The following SLC35B4 variants were observed in gnomAD, a reference collection of about 807,000 sequenced individuals.
The protein encoded by SLC35B4 is solute carrier family 35 member B4, also known as nucleotide sugar transporter SLC35B4.
In SLC35B4, 28 loss-of-function variants were observed where a neutral mutation model predicts 39.5. The ratio of observed to expected loss-of-function variants is 0.71; its 90% CI spans 0.53 to 0.97. The LOEUF is 0.97. Among genes scored for constraint, SLC35B4 ranks in the 50% least tolerant of loss-of-function variants. SLC35B4 has a pLI of 0.00. For missense variants in SLC35B4, 334 were observed against 414.3 expected, an observed-to-expected ratio of 0.81 and a Z score of 1.68; for synonymous variants, 145 against 150.4, an observed-to-expected ratio of 0.96 and a Z score of 0.26.
rs576583278 is a variant in SLC35B4 at position 134,307,717 on chromosome 7, A to ACTGAGTCCTAAGTGATCTTCC, written c.192-964_192-944dup. On this transcript the variant is annotated intron_variant, in intron 2 of 9. Coordinates refer to ENST00000378509, the MANE Select transcript of SLC35B4 (RefSeq NM_032826.5). ...TTGCACATCTGAAGGATATGACAGC[A>ACTGAGTCCTAAGTGATCTTCC]CTGAGTCCTAAGTGATCTTCCCTGA... 1.7e-4 allele frequency among the ~76,000 whole-genome samples: 26 copies of ACTGAGTCCTAAGTGATCTTCC among 152,352 alleles called. No individual in the cohort carries two copies. In the South Asian group the frequency reaches 3.9e-3, roughly 23 times the overall value.
intron 1 of SLC35B4, among the ~76,000 whole-genome samples, chr7:134,315,636 C>T (rs1442020057): frequency 7.1e-6 from 1 of 141,076 alleles, no homozygotes; most frequent in Non-Finnish European, 1.5e-5. Context: ...CAAATACTCC[C>T]AAATCCAAAA....
At position 134,290,885 on chromosome 7, in the gene SLC35B4, ACGTAGTTCTC is replaced by A. The variant is rs1803317540; in HGVS notation, c.*3938_*3947del. On this transcript the variant is annotated 3_prime_UTR_variant, in exon 10 of 10. Transcript: ENST00000378509. ...CAACAGACATAGGATCTTGATTTCAACGTAGTTCTCCTCCATGTGCATTTCTCTGTCCGTT... is the reference window on the plus strand; with the variant it reads ...CAACAGACATAGGATCTTGATTTCAACTCCATGTGCATTTCTCTGTCCGTT... The A allele has an allele frequency of 6.6e-6, 1 of 152,192 alleles. No homozygotes were observed. The highest frequency in any genetic ancestry group is 6.5e-5 in the Admixed American group (1 of 15,280). The allele number at this position is 152,192 out of a possible 1,614,324, so 9.4% of individuals were successfully genotyped here.
rs1044000387 is a variant in SLC35B4, at chr7:134,291,851, A to T, written c.*2982T>A. ...AAGATAACATGTTTCTAATATGACA[A>T]TAGAGTTTTGGCCAAAGATATGTAG... is the stretch of plus-strand genomic sequence containing the variant. On this transcript the variant is annotated 3_prime_UTR_variant, in exon 10 of 10. Coordinates refer to ENST00000378509, the MANE Select transcript of SLC35B4 (RefSeq NM_032826.5). The T allele has an allele frequency of 6.6e-6, 1 of 152,236 alleles. No homozygotes were observed. The highest frequency in any genetic ancestry group is 1.5e-5 in the Non-Finnish European group (1 of 68,036). 9.4% of individuals were successfully genotyped at this position (152,236 alleles called of 1,614,324 possible). A position where few individuals can be genotyped will look rare whatever the true frequency, so the allele number is the denominator to read the frequency against.
At chr7:134,307,576 A>C (rs924032239) in intron 2 of SLC35B4, among the ~76,000 whole-genome samples, 1 of 152,246 alleles carries the variant, frequency 6.6e-6, no homozygotes, top group Non-Finnish European at 1.5e-5. Context: ...ATATTGAGTA[A>C]GAGAAAAAAA....
rs1293977219 is a variant in SLC35B4 at position 134,292,958 on chromosome 7, C to G, written c.*1875G>C. The G allele has an allele frequency of 6.6e-6, 1 of 152,172 alleles. No homozygotes were observed. The highest frequency in any genetic ancestry group is 1.5e-5 in the Non-Finnish European group (1 of 68,052). The allele number at this position is 152,172 out of a possible 1,614,324, so 9.4% of individuals were successfully genotyped here. ...TTTAAGTAACAAAAACCCGAGGCAG[C>G]TTAAATGACTTCTCCAAGCGACCTG... On this transcript the variant is annotated 3_prime_UTR_variant, in exon 10 of 10. Coordinates refer to ENST00000378509, the MANE Select transcript of SLC35B4 (RefSeq NM_032826.5).
At position 134,316,665 on chromosome 7, in the gene SLC35B4, G is replaced by T. The variant is rs1455894755; in HGVS notation, c.77+10C>A. 3 of 1,549,714 alleles carry T rather than the reference G, an allele frequency of 1.9e-6. No individual in the cohort carries two copies. The highest frequency in any genetic ancestry group is 2.6e-6 in the Non-Finnish European group (3 of 1,146,600). ...CGGGAGACCGGGTGCGGCCCGAGCG[G>T]GTCACTCACCGGGCCAGGAGCTCTA... On this transcript the variant is annotated intron_variant, in intron 1 of 9. Transcript: ENST00000378509.
intron 9 of SLC35B4, 29 bp downstream of exon 9, chr7:134,296,362 T>G (rs1320630143): frequency 4.4e-6 from 7 of 1,589,036 alleles, no homozygotes; most frequent in Non-Finnish European, 3.5e-6. Context: ...GATGATGACA[T>G]AAGGGTGACG....
chr7:134,319,374 T>G (rs753829547), upstream of SLC35B4, among the ~76,000 whole-genome samples: 1 of 152,220 alleles, frequency 6.6e-6, no homozygotes, highest in Non-Finnish European at 1.5e-5. Flanking sequence ...AACCCAATAT[T>G]TCTTGACATT....
chr7:134,320,026 T>C (rs1804068131), upstream of SLC35B4, among the ~76,000 whole-genome samples: 1 of 152,130 alleles, frequency 6.6e-6, no homozygotes. Context: ...AAACCCAAAA[T>C]CTTCATGTCC....
At chr7:134,305,442 TC>T (rs1477294273) in intron 3 of SLC35B4, among the ~76,000 whole-genome samples, 1 of 152,136 alleles carries the variant, frequency 6.6e-6, no homozygotes, top group African/African-American at 2.4e-5. Flanking sequence ...ATGTTTTGCA[TC>T]CCGTGAATAC....
intron 4 of SLC35B4, among the ~76,000 whole-genome samples, chr7:134,304,554 T>C (rs1020191484): frequency 3.9e-5 from 6 of 152,178 alleles, no homozygotes; most frequent in African/African-American, 1.4e-4. Flanking sequence ...CAGGTTAGTA[T>C]GACACTAAAA....
chr7:134,294,697 C>T lies in SLC35B4; in HGVS notation c.*136G>A, dbSNP rs963657677. The T allele has an allele frequency of 9.1e-7, 1 of 1,101,058 alleles. No homozygotes were observed. Among genetic ancestry groups the T allele is most frequent in the Non-Finnish European group, 1.3e-6 (1 of 780,580 alleles). 68.2% of individuals were successfully genotyped at this position (1,101,058 alleles called of 1,614,324 possible). A position where few individuals can be genotyped will look rare whatever the true frequency, so the allele number is the denominator to read the frequency against. ...GTCAGTCTGAGCAACGTGAGAAGTC[C>T]CCTCCTGAAGATTTCCTTTTGCACG... On this transcript the variant is annotated 3_prime_UTR_variant, in exon 10 of 10. Transcript: ENST00000378509.
chr7:134,305,096 C>A (rs370755609), intron 3 of SLC35B4, among the ~76,000 whole-genome samples: 1 of 152,080 alleles, frequency 6.6e-6, no homozygotes, highest in African/African-American at 2.4e-5. Context: ...CCGAGGTGGG[C>A]GGATCACCTG....
chr7:134,294,613 G>T lies in SLC35B4; in HGVS notation c.*220C>A. ...AAATAAATGAATGGGCTGTTCAATA[G>T]TCCAGAACTGTTCTTTTTTCTATTT... On this transcript the variant is annotated 3_prime_UTR_variant, in exon 10 of 10. Coordinates refer to ENST00000378509, the MANE Select transcript of SLC35B4 (RefSeq NM_032826.5). 1 of 535,356 alleles carries T rather than the reference G, an allele frequency of 1.9e-6. No individual in the cohort carries two copies. Among genetic ancestry groups the T allele is most frequent in the Non-Finnish European group, 3.3e-6 (1 of 299,686 alleles). 33.2% of individuals were successfully genotyped at this position (535,356 alleles called of 1,614,324 possible). A position where few individuals can be genotyped will look rare whatever the true frequency, so the allele number is the denominator to read the frequency against.
At chr7:134,297,888 C>T (rs1339004462) in intron 8 of SLC35B4, among the ~76,000 whole-genome samples, 2 of 152,164 alleles carry the variant, frequency 1.3e-5, no homozygotes, top group Non-Finnish European at 2.9e-5. Context: ...TTAAAAGACA[C>T]ATACACACAC....
In SLC35B4 at chr7:134,306,031, T is replaced by G. The variant is rs144984131; in HGVS notation, c.294+641A>C. The stretch of plus-strand genomic sequence containing the variant: ...TCTCTGTTCTCTAAAAAGGTGACAA[T>G]CAATCAACAGGTGTTTATTGAAAGT... On this transcript the variant is annotated intron_variant, in intron 3 of 9. Transcript: ENST00000378509. Among the ~76,000 whole-genome samples the G allele has an allele frequency of 1.4e-3, 215 of 152,234 alleles. 1 individual carries two copies. Among genetic ancestry groups the G allele is most frequent in the African/African-American group, 4.9e-3 (204 of 41,544 alleles).
At chr7:134,308,640 C>A (rs762978349) in intron 2 of SLC35B4, among the ~76,000 whole-genome samples, 2 of 152,182 alleles carry the variant, frequency 1.3e-5, no homozygotes, top group Non-Finnish European at 2.9e-5. Flanking sequence ...TATATTCACA[C>A]CAGAATGTCG....
At chr7:134,308,624 C>T (rs1176867585) in intron 2 of SLC35B4, among the ~76,000 whole-genome samples, 3 of 152,216 alleles carry the variant, frequency 2.0e-5, no homozygotes, top group Non-Finnish European at 2.9e-5. Context: ...TGCCTTCATA[C>T]TTGGATATAT....
At position 134,291,789 on chromosome 7, in the gene SLC35B4, A is replaced by C. The variant is rs1803336353; in HGVS notation, c.*3044T>G. 2 of 152,262 alleles carry C rather than the reference A, an allele frequency of 1.3e-5. No individual in the cohort carries two copies. Among genetic ancestry groups the C allele is most frequent in the Admixed American group, 6.5e-5 (1 of 15,292 alleles). 9.4% of individuals were successfully genotyped at this position (152,262 alleles called of 1,614,324 possible). A position where few individuals can be genotyped will look rare whatever the true frequency, so the allele number is the denominator to read the frequency against. On this transcript the variant is annotated 3_prime_UTR_variant, in exon 10 of 10. Transcript: ENST00000378509. ...TTGTTTTAGTTGGACGAAAAAGAAA[A>C]CAAAGAATCAAAAATAAATTACTAA...
Sources: allele counts gnomAD v4.1 joint callset (sites outside exome capture counted in the v4.1 genomes callset), GRCh38; gene constraint gnomAD v4.1.1; transcripts MANE v1.5; gene names NCBI Gene and HGNC (gene_info 2026-07-23, HGNC 2026-07-21).